Variants in ZNF566 observed in about 807,000 individuals in gnomAD.
ZNF566 encodes the protein zinc finger protein 566.
ZNF566 carries 27 observed loss-of-function variants against 32.8 expected under a neutral mutation model. That is an observed-to-expected ratio of 0.82 (90% CI 0.61 to 1.14). The LOEUF (loss-of-function observed/expected upper bound fraction) is 1.14. ZNF566 is among the 50% of genes most tolerant of loss of function. ZNF566 has a pLI of 0.00. For synonymous variants in ZNF566, 154 were observed against 159.5 expected (o/e 0.97, Z 0.26); for missense variants, 402 against 490.4 (o/e 0.82, Z 1.70).
At chr19:36,456,032 C>A (rs986198010) in intron 4 of ZNF566, among the ~76,000 whole-genome samples, 6 of 151,006 alleles carry the variant, frequency 4.0e-5, no homozygotes, top group African/African-American at 1.5e-4. Context: ...GAGCGAGACT[C>A]CATCTCAAAA....
chr19:36,482,055 A>G (rs950311682), intron 1 of ZNF566, among the ~76,000 whole-genome samples: 3 of 152,220 alleles, frequency 2.0e-5, no homozygotes, highest in African/African-American at 7.2e-5. Context: ...GCAGAAACGA[A>G]TGAAGTTGAA....
chr19:36,488,475 G>A (rs2945946), intron 1 of ZNF566, among the ~76,000 whole-genome samples: 51,906 of 151,976 alleles, frequency 0.34, 9,022 homozygotes, highest in African/African-American at 0.41. Flanking sequence ...TGCTGTTCAA[G>A]TACAAATTTG....
intron 4 of ZNF566, among the ~76,000 whole-genome samples, chr19:36,461,538 C>T (rs1201952012): frequency 2.0e-5 from 3 of 151,942 alleles, no homozygotes; most frequent in Admixed American, 6.6e-5. Context: ...GGCTTAGTGG[C>T]GTGCACCTGT....
At chr19:36,450,975 A>T (rs942075112) in intron 4 of ZNF566, among the ~76,000 whole-genome samples, 3 of 152,374 alleles carry the variant, frequency 2.0e-5, no homozygotes, top group East Asian at 1.9e-4. Flanking sequence ...GCCGCTAGCT[A>T]CATGTGGCTT....
At chr19:36,472,802 C>T in intron 4 of ZNF566, 109 bp downstream of exon 4, 1 of 821,930 alleles carries the variant, frequency 1.2e-6, no homozygotes, top group African/African-American at 1.7e-5. Context: ...AAAGGTCTTA[C>T]ATTTGCACAA....
intron 1 of ZNF566, among the ~76,000 whole-genome samples, chr19:36,482,094 T>C (rs2034047631): frequency 1.3e-5 from 2 of 152,234 alleles, no homozygotes; most frequent in Admixed American, 1.3e-4. Flanking sequence ...GGGAACTAAG[T>C]TAATTTTTAT....
intron 1 of ZNF566, among the ~76,000 whole-genome samples, chr19:36,484,869 ATG>A (rs746510214): frequency 6.6e-5 from 10 of 152,104 alleles, no homozygotes; most frequent in Non-Finnish European, 1.2e-4. Context: ...GATTACAGGC[ATG>A]AGCCACCGCG....
chr19:36,469,853 T>C (rs1206084528), intron 4 of ZNF566, among the ~76,000 whole-genome samples: 1 of 152,144 alleles, frequency 6.6e-6, no homozygotes, highest in Non-Finnish European at 1.5e-5. Flanking sequence ...AGAATGGTAC[T>C]TTTACAAACA....
At chr19:36,466,159 C>T (rs2145670953) in intron 4 of ZNF566, among the ~76,000 whole-genome samples, 1 of 152,120 alleles carries the variant, frequency 6.6e-6, no homozygotes, top group African/African-American at 2.4e-5. Flanking sequence ...AAAATTTAGC[C>T]TATTAGAGGA....
At chr19:36,461,463 G>A (rs1366377283) in intron 4 of ZNF566, among the ~76,000 whole-genome samples, 1 of 152,136 alleles carries the variant, frequency 6.6e-6, no homozygotes, top group Admixed American at 6.6e-5. Flanking sequence ...CTGAGGTCAA[G>A]AGTTTGAGAC....
intron 4 of ZNF566, among the ~76,000 whole-genome samples, chr19:36,452,011 A>C (rs1255600347): frequency 1.3e-5 from 2 of 152,080 alleles, no homozygotes; most frequent in Non-Finnish European, 2.9e-5. Flanking sequence ...CATCTCAAAA[A>C]AAACAAACAA....
chr19:36,453,662 A>G (rs968525845), intron 4 of ZNF566, among the ~76,000 whole-genome samples: 1 of 151,346 alleles, frequency 6.6e-6, no homozygotes, highest in Non-Finnish European at 1.5e-5. Flanking sequence ...GTCAAAGTTA[A>G]GCTATTATTA....
At position 36,449,667 on chromosome 19, in the gene ZNF566, A is replaced by G. The variant is rs1363948748; in HGVS notation, c.567T>C (p.His189=). 6.2e-7 allele frequency: 1 copy of G among 1,612,538 alleles called. No homozygotes were observed. The highest frequency in any genetic ancestry group is 8.5e-7 in the Non-Finnish European group (1 of 1,178,604). ...TFRHGSQFAT[H]EIIHTIEKPY... ...GCTTCTCAATGGTATGAATTATCTC[A>G]TGTGTAGCAAACTGTGAGCCATGTC... Residue 189 remains histidine, a synonymous_variant, in exon 5 of 5, where the codon CAT becomes CAC. Coordinates refer to ENST00000452939, the MANE Select transcript of ZNF566 (RefSeq NM_001145344.1).
In ZNF566 at chr19:36,469,715, A is replaced by T. The variant is rs531776793; in HGVS notation, c.232+3196T>A. 2.6e-5 allele frequency among the ~76,000 whole-genome samples: 4 copies of T among 152,360 alleles called. No homozygotes were observed. In the East Asian group the frequency reaches 7.7e-4, roughly 29 times the overall value. ...TCTTAAAGAGTACAATGAAATGAAT[A>T]CTACCAAACACTGTGAGTGTCTGAA... On this transcript the variant is annotated intron_variant, in intron 4 of 4. Transcript: ENST00000452939.
chr19:36,460,013 G>A (rs1312846923), intron 4 of ZNF566, among the ~76,000 whole-genome samples: 1 of 151,606 alleles, frequency 6.6e-6, no homozygotes, highest in Non-Finnish European at 1.5e-5. Context: ...CAACACGTTG[G>A]CCAGGCTGAT....
intron 1 of ZNF566, among the ~76,000 whole-genome samples, chr19:36,485,247 C>T (rs894876941): frequency 2.0e-5 from 2 of 97,724 alleles, no homozygotes; most frequent in African/African-American, 8.2e-5. Flanking sequence ...CCAGCCTGGG[C>T]AATATAGCAA....
intron 2 of ZNF566, among the ~76,000 whole-genome samples, chr19:36,473,769 C>T (rs189403343): frequency 1.3e-5 from 2 of 152,316 alleles, no homozygotes; most frequent in Admixed American, 1.3e-4. Flanking sequence ...CAATGCCTCA[C>T]ACTATACCTG....
At position 36,447,403 on chromosome 19, in the gene ZNF566, C is replaced by T. The variant is rs1364040370; in HGVS notation, c.*1574G>A. On this transcript the variant is annotated 3_prime_UTR_variant, in exon 5 of 5. Transcript: ENST00000452939. ...TTGGTGCTTCATTAGTAATAGTTAACTGATCACATGCTAATTTTTCCCTGT... is the reference window on the plus strand; with the variant it reads ...TTGGTGCTTCATTAGTAATAGTTAATTGATCACATGCTAATTTTTCCCTGT... 5.3e-5 allele frequency: 8 copies of T among 152,190 alleles called. No homozygotes were observed. Among genetic ancestry groups the T allele is most frequent in the Non-Finnish European group, 1.2e-4 (8 of 68,044 alleles). 9.4% of individuals were successfully genotyped at this position (152,190 alleles called of 1,614,324 possible). A position where few individuals can be genotyped will look rare whatever the true frequency, so the allele number is the denominator to read the frequency against.
At chr19:36,450,063 A>G (rs2912441) in intron 4 of ZNF566, 62 bp from the exon 5 acceptor site, 340,478 of 1,408,050 alleles carry the variant, frequency 0.24, 42,570 homozygotes, top group South Asian at 0.34. Context: ...CAAAACTTCA[A>G]TCAATATGGG....
Sources: gnomAD v4.1 joint callset for allele counts (sites outside exome capture counted in the v4.1 genomes callset) on GRCh38, gnomAD v4.1.1 for gene constraint, MANE v1.5 for transcripts, NCBI Gene and HGNC (gene_info 2026-07-23, HGNC 2026-07-21) for gene names.